RBFOX1: variants seen among roughly 807,000 people sequenced by gnomAD.
RBFOX1 encodes the protein RNA binding protein fox-1 homolog 1.
Under a neutral mutation model 57.7 loss-of-function variants are expected in RBFOX1, and 8 were observed. That is an observed-to-expected ratio of 0.14 (90% CI 0.08 to 0.25). RBFOX1 has a LOEUF of 0.25. RBFOX1 is among the 10% of genes least tolerant of loss of function. The pLI, the probability that RBFOX1 is intolerant of heterozygous loss-of-function variation, is 1.00. For synonymous variants in RBFOX1, 326 were observed against 222.4 expected, an observed-to-expected ratio of 1.47 and a Z score of -4.15; for missense variants, 611 against 548.5, an observed-to-expected ratio of 1.11 and a Z score of -1.14.
At chr16:7,039,042 A>G (rs2045366288) in intron 3 of RBFOX1, among the ~76,000 whole-genome samples, 1 of 48,980 alleles carries the variant, frequency 2.0e-5, no homozygotes, top group Non-Finnish European at 3.4e-5. Flanking sequence ...TGATGTTTAA[A>G]GGAATATCAG....
intron 2 of RBFOX1, among the ~76,000 whole-genome samples, chr16:5,558,130 G>T (rs887466575): frequency 1.8e-4 from 28 of 152,086 alleles, no homozygotes; most frequent in Non-Finnish European, 1.9e-4. Flanking sequence ...CATCCTCCCA[G>T]CCCAGGTGTG....
chr16:7,041,457 A>T (rs376192393), intron 3 of RBFOX1, among the ~76,000 whole-genome samples: 50 of 152,284 alleles, frequency 3.3e-4, no homozygotes, highest in African/African-American at 1.2e-3. Context: ...TTACTTGTGG[A>T]CATTGGCATT....
chr16:6,461,586 T>C (rs2094922898), intron 2 of RBFOX1, among the ~76,000 whole-genome samples: 1 of 152,246 alleles, frequency 6.6e-6, no homozygotes. Context: ...AGAAATGTTT[T>C]ATTGTGATGT....
chr16:7,303,263 C>T lies in RBFOX1; in HGVS notation c.28-214884C>T, dbSNP rs141500759. ...AACGCCCGGGGGTGCATCGGCGCTT[C>T]GGTGCTCTGCTGGGGGGCGCAGAAA... On this transcript the variant is annotated intron_variant, in intron 4 of 15. Coordinates refer to ENST00000550418, the MANE Select transcript of RBFOX1 (RefSeq NM_018723.4). 3.6e-3 allele frequency among the ~76,000 whole-genome samples: 551 copies of T among 152,334 alleles called. 5 individuals are homozygous for T. The highest frequency in any genetic ancestry group is 0.013 in the African/African-American group (524 of 41,592).
chr16:6,908,921 C>T (rs1011639862), intron 3 of RBFOX1, among the ~76,000 whole-genome samples: 1 of 152,236 alleles, frequency 6.6e-6, no homozygotes, highest in African/African-American at 2.4e-5. Flanking sequence ...ACTGCAGCTG[C>T]TAGGATAATT....
intron 3 of RBFOX1, among the ~76,000 whole-genome samples, chr16:6,884,409 A>G (rs1181251767): frequency 1.3e-5 from 2 of 152,148 alleles, no homozygotes; most frequent in African/African-American, 4.8e-5. Context: ...CTTGTCTACA[A>G]AAGGAGTGAG....
At chr16:7,689,329 G>A (rs1027544862) in intron 14 of RBFOX1, among the ~76,000 whole-genome samples, 1 of 151,994 alleles carries the variant, frequency 6.6e-6, no homozygotes, top group Non-Finnish European at 1.5e-5. Context: ...AATCTTCCTG[G>A]GACAGGTGAG....
intron 4 of RBFOX1, among the ~76,000 whole-genome samples, chr16:7,289,072 GT>G (rs2095707965): frequency 1.3e-5 from 2 of 152,112 alleles, no homozygotes; most frequent in Admixed American, 1.3e-4. Flanking sequence ...ATCCAACAGA[GT>G]TACCCAGAAG....
At chr16:7,097,287 C>T (rs975559983) in intron 4 of RBFOX1, among the ~76,000 whole-genome samples, 1 of 152,070 alleles carries the variant, frequency 6.6e-6, no homozygotes, top group Non-Finnish European at 1.5e-5. Flanking sequence ...TTCCAGGAGG[C>T]TAGGCTGGCT....
At chr16:6,316,094 G>C (rs1039073482) in intron 1 of RBFOX1, among the ~76,000 whole-genome samples, 1 of 152,098 alleles carries the variant, frequency 6.6e-6, no homozygotes, top group African/African-American at 2.4e-5. Flanking sequence ...AATTATCGAT[G>C]GATCAGGATT....
intron 2 of RBFOX1, among the ~76,000 whole-genome samples, chr16:6,452,249 T>A (rs1009436477): frequency 6.7e-6 from 1 of 149,822 alleles, no homozygotes; most frequent in Non-Finnish European, 1.5e-5. Context: ...CATGACTCCA[T>A]CCATGACTCC....
chr16:6,761,815 T>C (rs1447690559), intron 3 of RBFOX1, among the ~76,000 whole-genome samples: 1 of 151,984 alleles, frequency 6.6e-6, no homozygotes, highest in Non-Finnish European at 1.5e-5. Context: ...CTCTCTCTCC[T>C]TGTTGCTACT....
chr16:5,856,577 A>ATG (rs2057072845), intron 3 of RBFOX1, among the ~76,000 whole-genome samples: 3 of 41,726 alleles, frequency 7.2e-5, no homozygotes, highest in Non-Finnish European at 1.0e-4. Context: ...GTGTGTGTGT[A>ATG]TATATATATA....
At chr16:5,868,786 G>T (rs2057399848) in intron 4 of RBFOX1, among the ~76,000 whole-genome samples, 1 of 152,124 alleles carries the variant, frequency 6.6e-6, no homozygotes, top group African/African-American at 2.4e-5. Flanking sequence ...CACAAATTTT[G>T]TTTCCTCATT....
intron 4 of RBFOX1, among the ~76,000 whole-genome samples, chr16:7,349,508 G>A (rs1195005027): frequency 6.7e-6 from 1 of 148,976 alleles, no homozygotes; most frequent in Non-Finnish European, 1.5e-5. Flanking sequence ...TTGTCAGAAT[G>A]TGCACAGAAA....
At chr16:5,267,161 C>T (rs573203366) in intron 1 of RBFOX1, among the ~76,000 whole-genome samples, 1 of 152,216 alleles carries the variant, frequency 6.6e-6, no homozygotes, top group South Asian at 2.1e-4. Flanking sequence ...GGCAGCAAAG[C>T]AAGTGGAAGC....
At chr16:5,772,776 G>C (rs1175960966) in intron 3 of RBFOX1, among the ~76,000 whole-genome samples, 1 of 152,176 alleles carries the variant, frequency 6.6e-6, no homozygotes. Flanking sequence ...CTGATTGGCA[G>C]AGACATGCAA....
intron 1 of RBFOX1, among the ~76,000 whole-genome samples, chr16:5,421,825 C>T (rs969199444): frequency 4.6e-5 from 7 of 152,204 alleles, no homozygotes; most frequent in East Asian, 1.9e-4. Flanking sequence ...TATGGAGAGG[C>T]CGTTGTTGGG....
At chr16:6,280,254 C>G (rs1267528857) in intron 1 of RBFOX1, among the ~76,000 whole-genome samples, 10 of 152,144 alleles carry the variant, frequency 6.6e-5, no homozygotes, top group Admixed American at 6.6e-4. Context: ...GCTGCATCGT[C>G]CCAGAATCCA....
Sources: allele counts gnomAD v4.1 joint callset (sites outside exome capture counted in the v4.1 genomes callset), GRCh38; gene constraint gnomAD v4.1.1; transcripts MANE v1.5; gene names NCBI Gene and HGNC (gene_info 2026-07-23, HGNC 2026-07-21).